TMEM132C: variants seen among roughly 807,000 people sequenced by gnomAD.
The protein encoded by TMEM132C is protein phosphatase 1, regulatory subunit 152.
In TMEM132C, 29 loss-of-function variants were observed where a neutral mutation model predicts 61.4. The observed-to-expected ratio is 0.47, with a 90% CI of 0.35 to 0.64. TMEM132C has a LOEUF of 0.64. TMEM132C is among the 30% of genes least tolerant of loss of function. The pLI is 0.00. For missense variants in TMEM132C, 1,408 were observed against 1,476.9 expected, an observed-to-expected ratio of 0.95 and a Z score of 0.76; for synonymous variants, 656 against 633.1, an observed-to-expected ratio of 1.04 and a Z score of -0.54.
At position 128,347,397 on chromosome 12, in the gene TMEM132C, GTCTCTCTCTCTCTCTC is replaced by G. The variant is rs55729184; in HGVS notation, c.86-67308_86-67293del. Among the ~76,000 whole-genome samples the G allele has an allele frequency of 4.4e-4, 59 of 135,524 alleles. 2 individuals carry two copies. The highest frequency in any genetic ancestry group is 3.8e-3 in the South Asian group (15 of 3,984). The allele number at this position is 135,524 out of a possible 152,430, so 88.9% of individuals were successfully genotyped here. ...TGCTGCCATAAGCATGCATATGTATGTCTCTCTCTCTCTCTCTCTCTCTCTCTCTCTCTCTCTCTCT... is the reference window on the plus strand; with the variant it reads ...TGCTGCCATAAGCATGCATATGTATGTCTCTCTCTCTCTCTCTCTCTCTCT... On this transcript the variant is annotated intron_variant, in intron 1 of 8. Coordinates refer to ENST00000435159, the MANE Select transcript of TMEM132C (RefSeq NM_001136103.3).
chr12:128,465,005 G>A (rs149467884), intron 2 of TMEM132C, among the ~76,000 whole-genome samples: 7 of 152,026 alleles, frequency 4.6e-5, no homozygotes, highest in Non-Finnish European at 4.4e-5. Context: ...GAGTAAATCC[G>A]GGAGGAATTT....
intron 3 of TMEM132C, among the ~76,000 whole-genome samples, chr12:128,576,147 C>T (rs988227380): frequency 3.3e-5 from 5 of 151,808 alleles, no homozygotes; most frequent in South Asian, 4.2e-4. Context: ...CCCAGCTACT[C>T]GGGAGGGTGA....
chr12:128,677,061 A>G (rs1954595762), intron 5 of TMEM132C, among the ~76,000 whole-genome samples: 1 of 152,228 alleles, frequency 6.6e-6, no homozygotes. Context: ...AGGAAGAAAA[A>G]CATGCAATAT....
At chr12:128,687,968 C>T (rs780263316) in intron 5 of TMEM132C, among the ~76,000 whole-genome samples, 2 of 152,094 alleles carry the variant, frequency 1.3e-5, no homozygotes, top group African/African-American at 2.4e-5. Context: ...GATCAGCAAT[C>T]CTCAAGTTCC....
At chr12:128,456,897 A>G (rs1242156211) in intron 2 of TMEM132C, among the ~76,000 whole-genome samples, 1 of 152,116 alleles carries the variant, frequency 6.6e-6, no homozygotes, top group Non-Finnish European at 1.5e-5. Flanking sequence ...AACTTCATAT[A>G]AGTGGATTCT....
At chr12:128,562,876 G>T (rs948099528) in intron 3 of TMEM132C, among the ~76,000 whole-genome samples, 8 of 152,216 alleles carry the variant, frequency 5.3e-5, no homozygotes, top group Middle Eastern at 3.2e-3. Context: ...ACTCTGCAAA[G>T]GTGGCAGGTA....
chr12:128,359,916 G>A (rs1873643763), intron 1 of TMEM132C, among the ~76,000 whole-genome samples: 1 of 152,148 alleles, frequency 6.6e-6, no homozygotes, highest in African/African-American at 2.4e-5. Context: ...TTTATAGCAG[G>A]GAAGGCAAAA....
At position 128,706,151 on chromosome 12, in the gene TMEM132C, C is replaced by T. The variant is rs1566021050; in HGVS notation, c.3183C>T (p.Thr1061=). The change falls in exon 9 of 9, where the codon ACC becomes ACT. Residue 1061 remains threonine, a synonymous_variant. Transcript: ENST00000435159. ...RKKVKFTTFT[T]IPPDDSCPTV... Reference sequence around the variant, plus strand: ...AGGTGAAATTTACCACCTTTACCACCATCCCCCCGGACGACAGCTGCCCCA... The same window carrying T: ...AGGTGAAATTTACCACCTTTACCACTATCCCCCCGGACGACAGCTGCCCCA... The T allele has an allele frequency of 2.6e-6, 4 of 1,551,470 alleles. No individual in the cohort carries two copies. Among genetic ancestry groups the T allele is most frequent in the Non-Finnish European group, 3.5e-6 (4 of 1,146,908 alleles).
intron 3 of TMEM132C, among the ~76,000 whole-genome samples, chr12:128,578,061 G>A (rs894805972): frequency 1.4e-4 from 21 of 152,004 alleles, no homozygotes; most frequent in African/African-American, 3.4e-4. Flanking sequence ...TGTCATTACC[G>A]AGTATGAAAA....
chr12:128,276,849 G>A (rs1270583013), intron 1 of TMEM132C, among the ~76,000 whole-genome samples: 1 of 151,282 alleles, frequency 6.6e-6, no homozygotes, highest in Non-Finnish European at 1.5e-5. Context: ...GAAGAAAACT[G>A]CCTCCTGCCT....
intron 1 of TMEM132C, among the ~76,000 whole-genome samples, chr12:128,269,222 A>C (rs1032140128): frequency 6.6e-6 from 1 of 152,154 alleles, no homozygotes; most frequent in Non-Finnish European, 1.5e-5. Flanking sequence ...AGGCGGTGCT[A>C]ATTGAGCAGG....
intron 3 of TMEM132C, among the ~76,000 whole-genome samples, chr12:128,615,042 G>A (rs2135582982): frequency 6.6e-6 from 1 of 152,352 alleles, no homozygotes; most frequent in East Asian, 1.9e-4. Flanking sequence ...CTTCCTGGCT[G>A]CTGCTCTAGA....
intron 1 of TMEM132C, among the ~76,000 whole-genome samples, chr12:128,373,332 C>T (rs893007101): frequency 2.0e-5 from 3 of 152,160 alleles, no homozygotes; most frequent in African/African-American, 7.2e-5. Flanking sequence ...CAGATATCCC[C>T]CTAATTGTAA....
chr12:128,283,212 G>T (rs779909034), intron 1 of TMEM132C, among the ~76,000 whole-genome samples: 48 of 152,220 alleles, frequency 3.2e-4, no homozygotes, highest in Admixed American at 3.1e-3. Flanking sequence ...GGTTTGGCCA[G>T]TGGGAGCCAT....
At chr12:128,695,772 C>T in intron 6 of TMEM132C, 58 bp from the exon 7 acceptor site, 1 of 1,468,518 alleles carries the variant, frequency 6.8e-7, no homozygotes. Flanking sequence ...CTGCCTGTCT[C>T]AAGAACGTCT....
intron 4 of TMEM132C, among the ~76,000 whole-genome samples, chr12:128,665,965 G>T (rs58042378): frequency 1.6e-5 from 1 of 62,066 alleles, no homozygotes; most frequent in Non-Finnish European, 3.3e-5. Context: ...ACACACACAC[G>T]GGCACATGTA....
intron 1 of TMEM132C, among the ~76,000 whole-genome samples, chr12:128,275,655 C>G (rs1027913962): frequency 1.7e-4 from 26 of 152,112 alleles, no homozygotes; most frequent in African/African-American, 6.0e-4. Flanking sequence ...CAAAACTGGT[C>G]CCTTTTGCCA....
rs552802478 is a variant in TMEM132C, at chr12:128,624,154, CCTGA to C, written c.1305+7823_1305+7826del. On this transcript the variant is annotated intron_variant, in intron 4 of 8. Coordinates refer to ENST00000435159, the MANE Select transcript of TMEM132C (RefSeq NM_001136103.3). ...ATAGAAATTGGGCGCTCAGCTTCAGCCTGACTGTGTTGGGGTGAGTCCCAATGCC... is the reference window on the plus strand; with the variant it reads ...ATAGAAATTGGGCGCTCAGCTTCAGCCTGTGTTGGGGTGAGTCCCAATGCC... Among the ~76,000 whole-genome samples the C allele has an allele frequency of 2.7e-4, 40 of 150,228 alleles. No homozygotes were observed. The South Asian group carries it at 4.8e-3, about 18-fold the overall frequency.
At chr12:128,671,635 C>A (rs1954533355) in intron 5 of TMEM132C, among the ~76,000 whole-genome samples, 1 of 152,114 alleles carries the variant, frequency 6.6e-6, no homozygotes, top group South Asian at 2.1e-4. Context: ...TCTCTGCAAA[C>A]CCCACCCCCA....
Sources: allele counts gnomAD v4.1 joint callset (sites outside exome capture counted in the v4.1 genomes callset), GRCh38; gene constraint gnomAD v4.1.1; transcripts MANE v1.5; gene names NCBI Gene and HGNC (gene_info 2026-07-23, HGNC 2026-07-21).